GRID2: variants seen among roughly 807,000 people sequenced by gnomAD.
GRID2 encodes the protein glutamate receptor ionotropic, delta-2.
Under a neutral mutation model 114.8 loss-of-function variants are expected in GRID2, and 33 were observed. The ratio of observed to expected loss-of-function variants is 0.29; its 90% CI spans 0.22 to 0.38. The LOEUF is 0.38. GRID2 is among the 10% of genes least tolerant of loss of function. The pLI is 1.00. For missense variants in GRID2, 1,184 were observed against 1,257.7 expected (o/e 0.94, Z 0.89); for synonymous variants, 505 against 449.9 (o/e 1.12, Z -1.55).
chr4:93,144,739 G>C (rs1736050638), intron 4 of GRID2, among the ~76,000 whole-genome samples: 1 of 102,494 alleles, frequency 9.8e-6, no homozygotes, highest in Non-Finnish European at 1.9e-5. Flanking sequence ...AATGGCTTCT[G>C]TTGCTTAAAC....
chr4:92,743,722 T>TA (rs1170355556), intron 2 of GRID2, among the ~76,000 whole-genome samples: 1 of 152,156 alleles, frequency 6.6e-6, no homozygotes, highest in Non-Finnish European at 1.5e-5. Context: ...CATAAGGTTG[T>TA]ATGGGCCTCT....
intron 12 of GRID2, among the ~76,000 whole-genome samples, chr4:93,502,644 A>C (rs1005427867): frequency 6.6e-6 from 1 of 151,146 alleles, no homozygotes; most frequent in African/African-American, 2.4e-5. Flanking sequence ...TGATGCTCTT[A>C]GTTCCTCCAT....
At chr4:93,443,028 A>C (rs1447950066) in intron 10 of GRID2, among the ~76,000 whole-genome samples, 1 of 152,068 alleles carries the variant, frequency 6.6e-6, no homozygotes, top group Non-Finnish European at 1.5e-5. Context: ...TAAATCTGAA[A>C]TATACCATAA....
At chr4:92,726,906 A>G (rs963899852) in intron 2 of GRID2, among the ~76,000 whole-genome samples, 1 of 152,074 alleles carries the variant, frequency 6.6e-6, no homozygotes. Flanking sequence ...TACAGGAAAA[A>G]AAATGGTCAT....
At chr4:92,630,380 C>T (rs1318418867) in intron 2 of GRID2, among the ~76,000 whole-genome samples, 1 of 152,106 alleles carries the variant, frequency 6.6e-6, no homozygotes, top group Non-Finnish European at 1.5e-5. Context: ...TGTAAGTGGA[C>T]TTGTAGTTCC....
At chr4:93,030,517 A>G (rs1486255570) in intron 2 of GRID2, among the ~76,000 whole-genome samples, 3 of 151,678 alleles carry the variant, frequency 2.0e-5, no homozygotes, top group African/African-American at 4.8e-5. Flanking sequence ...CTGGAGTAGC[A>G]GGGATTACAG....
chr4:92,446,267 A>G (rs1464325170), intron 1 of GRID2, among the ~76,000 whole-genome samples: 2 of 152,098 alleles, frequency 1.3e-5, no homozygotes, highest in Non-Finnish European at 2.9e-5. Flanking sequence ...TTTGATTTAA[A>G]TTGTATGTTC....
chr4:93,112,087 A>G (rs551853924), intron 4 of GRID2: 10 of 152,236 alleles, frequency 6.6e-5, no homozygotes, highest in African/African-American at 1.9e-4. Context: ...ATTTTAAAGA[A>G]GTTGGGTCTT....
chr4:93,727,802 A>G (rs1186615302), intron 14 of GRID2, among the ~76,000 whole-genome samples: 1 of 152,146 alleles, frequency 6.6e-6, no homozygotes, highest in South Asian at 2.1e-4. Flanking sequence ...CTCTGATGGT[A>G]GTTTGTATTT....
At chr4:93,331,975 A>T (rs1327096232) in intron 8 of GRID2, among the ~76,000 whole-genome samples, 4 of 152,088 alleles carry the variant, frequency 2.6e-5, no homozygotes, top group Admixed American at 2.6e-4. Flanking sequence ...TTTTATTCAG[A>T]GTCAGAGCTC....
intron 4 of GRID2, among the ~76,000 whole-genome samples, chr4:93,197,611 G>A (rs937156308): frequency 2.0e-5 from 3 of 152,100 alleles, no homozygotes; most frequent in African/African-American, 7.2e-5. Flanking sequence ...ACTGTCAAAA[G>A]TATTACAGTA....
chr4:92,641,757 A>G (rs1382488688), intron 2 of GRID2, among the ~76,000 whole-genome samples: 1 of 151,690 alleles, frequency 6.6e-6, no homozygotes, highest in Non-Finnish European at 1.5e-5. Flanking sequence ...TATAGTACCC[A>G]ATAGGTAGCT....
At chr4:92,839,831 T>A (rs1158670155) in intron 2 of GRID2, among the ~76,000 whole-genome samples, 1 of 152,072 alleles carries the variant, frequency 6.6e-6, no homozygotes, top group Non-Finnish European at 1.5e-5. Flanking sequence ...ATCTATTAGA[T>A]CCATTTGGTC....
intron 1 of GRID2, among the ~76,000 whole-genome samples, chr4:92,516,678 C>T (rs1238480763): frequency 4.6e-5 from 7 of 151,792 alleles, no homozygotes; most frequent in East Asian, 3.9e-4. Context: ...AAACCATAAC[C>T]TTCCCTAAGA....
At chr4:92,966,291 G>A (rs927229500) in intron 2 of GRID2, among the ~76,000 whole-genome samples, 1 of 151,860 alleles carries the variant, frequency 6.6e-6, no homozygotes, top group South Asian at 2.1e-4. Context: ...TATAAAAGTG[G>A]TATGATAATA....
At chr4:93,465,859 T>TA (rs966153861) in intron 11 of GRID2, among the ~76,000 whole-genome samples, 2 of 152,194 alleles carry the variant, frequency 1.3e-5, no homozygotes, top group African/African-American at 4.8e-5. Flanking sequence ...GTCATTCAAG[T>TA]AAATATGAAA....
At position 92,730,678 on chromosome 4, in the gene GRID2, A is replaced by G. The variant is rs561779600; in HGVS notation, c.244+140392A>G. Among the ~76,000 whole-genome samples the G allele has an allele frequency of 5.3e-5, 8 of 152,062 alleles. No individual in the cohort carries two copies. The South Asian group carries it at 1.0e-3, about 20-fold the overall frequency. ...AAAACAAGCCCAAAGTAATAATAAC[A>G]TGGCATCTTTCACCAGAACAGAAGA... On this transcript the variant is annotated intron_variant, in intron 2 of 15. Coordinates refer to ENST00000282020, the MANE Select transcript of GRID2 (RefSeq NM_001510.4).
At chr4:93,575,047 T>A (rs920160960) in intron 13 of GRID2, among the ~76,000 whole-genome samples, 2 of 152,174 alleles carry the variant, frequency 1.3e-5, no homozygotes, top group Non-Finnish European at 2.9e-5. Context: ...CAGAACATTT[T>A]ACATAGTGGT....
At chr4:92,843,631 CTTA>C (rs1743077060) in intron 2 of GRID2, among the ~76,000 whole-genome samples, 1 of 152,034 alleles carries the variant, frequency 6.6e-6, no homozygotes. Flanking sequence ...TTTATGTTAT[CTTA>C]TTAGAAGATT....
Sources: gnomAD v4.1 joint callset for allele counts (sites outside exome capture counted in the v4.1 genomes callset) on GRCh38, gnomAD v4.1.1 for gene constraint, MANE v1.5 for transcripts, NCBI Gene and HGNC (gene_info 2026-07-23, HGNC 2026-07-21) for gene names.